The following MAGI2 variants were observed in gnomAD, a reference collection of about 807,000 sequenced individuals.
The protein encoded by MAGI2 is membrane-associated guanylate kinase, WW and PDZ domain-containing protein 2.
A neutral mutation model predicts 133.3 loss-of-function variants in MAGI2; 35 were observed. That is an observed-to-expected ratio of 0.26 (90% confidence interval 0.20 to 0.35). The LOEUF (loss-of-function observed/expected upper bound fraction) is 0.35, where lower values mean the gene tolerates loss of function less well. Ranked by LOEUF, MAGI2 falls within the 10% of genes least tolerant of loss-of-function variation. MAGI2 has a pLI of 1.00. For missense variants in MAGI2, 1,636 were observed against 1,863.4 expected (o/e 0.88, Z 2.25); for synonymous variants, 729 against 710.6 (o/e 1.03, Z -0.41).
chr7:79,013,685 T>C (rs73379019), intron 1 of MAGI2, among the ~76,000 whole-genome samples: 3 of 152,246 alleles, frequency 2.0e-5, no homozygotes, highest in African/African-American at 7.2e-5. Context: ...TAGGTAGAAA[T>C]TGTGTCTTTG....
At chr7:78,298,664 G>A (rs1487421211) in intron 9 of MAGI2, among the ~76,000 whole-genome samples, 1 of 151,798 alleles carries the variant, frequency 6.6e-6, no homozygotes, top group African/African-American at 2.4e-5. Context: ...CACCACCCTT[G>A]GCTAATTTTT....
At chr7:78,161,699 A>AAAAAAAAAAAAAAAAAAATG in intron 15 of MAGI2, among the ~76,000 whole-genome samples, 1 of 150,404 alleles carries the variant, frequency 6.6e-6, no homozygotes, top group East Asian at 2.0e-4. Flanking sequence ...AAAAAAAAAA[A>AAAAAAAAAAAAAAAAAAATG]GCTGTATTTG....
At chr7:78,418,005 G>T (rs898930564) in intron 6 of MAGI2, among the ~76,000 whole-genome samples, 2 of 152,086 alleles carry the variant, frequency 1.3e-5, no homozygotes, top group Non-Finnish European at 2.9e-5. Context: ...TGAGTTAAGG[G>T]TATACTTGGA....
chr7:79,359,795 T>G (rs1842268306), intron 1 of MAGI2, among the ~76,000 whole-genome samples: 2 of 151,308 alleles, frequency 1.3e-5, no homozygotes, highest in African/African-American at 4.9e-5. Flanking sequence ...AAAAACAATC[T>G]TAGATGAAGG....
At chr7:79,290,345 G>GAT (rs34410665) in intron 1 of MAGI2, among the ~76,000 whole-genome samples, 91,949 of 149,626 alleles carry the variant, frequency 0.61, 29,418 homozygotes, top group Non-Finnish European at 0.7. Flanking sequence ...TACAATTGTG[G>GAT]ATATATATAT....
intron 2 of MAGI2, among the ~76,000 whole-genome samples, chr7:78,643,753 T>C (rs1304876917): frequency 2.0e-5 from 3 of 152,116 alleles, no homozygotes; most frequent in Non-Finnish European, 4.4e-5. Flanking sequence ...GGGATGGGAA[T>C]GGTGGCATAC....
At chr7:78,806,128 T>C (rs947735300) in intron 2 of MAGI2, among the ~76,000 whole-genome samples, 4 of 152,198 alleles carry the variant, frequency 2.6e-5, no homozygotes, top group Admixed American at 6.5e-5. Flanking sequence ...TTTGACTTTA[T>C]ATAAGCAGTA....
intron 2 of MAGI2, among the ~76,000 whole-genome samples, chr7:78,965,530 A>T (rs1206279571): frequency 6.6e-6 from 1 of 151,938 alleles, no homozygotes; most frequent in Non-Finnish European, 1.5e-5. Flanking sequence ...CTCTCTGTAC[A>T]TTTCGTTAGC....
chr7:78,089,442 A>T (rs911488762), intron 20 of MAGI2, among the ~76,000 whole-genome samples: 3 of 152,224 alleles, frequency 2.0e-5, no homozygotes, highest in Non-Finnish European at 2.9e-5. Flanking sequence ...ATTGATTTTA[A>T]AACATCAAAT....
chr7:79,090,392 G>T (rs574700313), intron 1 of MAGI2, among the ~76,000 whole-genome samples: 9 of 152,042 alleles, frequency 5.9e-5, no homozygotes, highest in African/African-American at 1.9e-4. Context: ...GAAATAATGG[G>T]TAGTGACACT....
chr7:78,709,641 A>G (rs901869618), intron 2 of MAGI2, among the ~76,000 whole-genome samples: 2 of 152,144 alleles, frequency 1.3e-5, no homozygotes, highest in African/African-American at 4.8e-5. Context: ...GTCCTCAATG[A>G]GTTTCTTAGG....
At chr7:78,705,177 C>A (rs907615465) in intron 2 of MAGI2, among the ~76,000 whole-genome samples, 1 of 151,956 alleles carries the variant, frequency 6.6e-6, no homozygotes, top group Non-Finnish European at 1.5e-5. Context: ...AATGGAGGGA[C>A]CTGATGGGAG....
intron 1 of MAGI2, among the ~76,000 whole-genome samples, chr7:79,381,197 T>G (rs781765361): frequency 3.3e-5 from 5 of 151,684 alleles, no homozygotes; most frequent in African/African-American, 4.8e-5. Context: ...ATCTCCTTTT[T>G]TTGTTGTTGT....
intron 9 of MAGI2, among the ~76,000 whole-genome samples, chr7:78,273,059 G>T (rs1299102071): frequency 6.6e-6 from 1 of 152,212 alleles, no homozygotes; most frequent in Non-Finnish European, 1.5e-5. Context: ...AATTTGGCAT[G>T]TTTTTGCAGT....
At chr7:79,223,187 A>G (rs1830593007) in intron 1 of MAGI2, among the ~76,000 whole-genome samples, 1 of 151,814 alleles carries the variant, frequency 6.6e-6, no homozygotes. Context: ...GCGTGGCCAT[A>G]TCTCATTTAT....
At chr7:78,083,203 T>C (rs1816174135) in intron 20 of MAGI2, among the ~76,000 whole-genome samples, 1 of 151,990 alleles carries the variant, frequency 6.6e-6, no homozygotes, top group South Asian at 2.1e-4. Context: ...ACTGTGACTC[T>C]GATGTAGTCT....
At chr7:78,570,710 G>A (rs1230136357) in intron 3 of MAGI2, among the ~76,000 whole-genome samples, 2 of 152,120 alleles carry the variant, frequency 1.3e-5, no homozygotes, top group Non-Finnish European at 2.9e-5. Context: ...AGGAATATCC[G>A]TAATCCTTAA....
At chr7:78,304,562 T>G (rs1362618034) in intron 9 of MAGI2, among the ~76,000 whole-genome samples, 1 of 152,248 alleles carries the variant, frequency 6.6e-6, no homozygotes. Context: ...TCTTGAATGT[T>G]CTAGGTACTG....
chr7:78,898,926 A>C (rs1298179859), intron 2 of MAGI2, among the ~76,000 whole-genome samples: 1 of 152,134 alleles, frequency 6.6e-6, no homozygotes, highest in African/African-American at 2.4e-5. Context: ...AATACTACAT[A>C]ATAATATGTT....
Sources: gnomAD v4.1 joint callset for allele counts (sites outside exome capture counted in the v4.1 genomes callset) on GRCh38, gnomAD v4.1.1 for gene constraint, MANE v1.5 for transcripts, NCBI Gene and HGNC (gene_info 2026-07-23, HGNC 2026-07-21) for gene names.